Variants in PPEF1 observed in about 807,000 individuals in gnomAD.
The protein encoded by PPEF1 is protein phosphatase with EF-hand domain 1.
In PPEF1, 12 loss-of-function variants were observed where a neutral mutation model predicts 53.3. The ratio of observed to expected loss-of-function variants is 0.23; its 90% confidence interval spans 0.14 to 0.36. PPEF1 has a LOEUF of 0.36. Ranked by LOEUF, PPEF1 falls within the 10% of genes least tolerant of loss-of-function variation. The pLI is 1.00. For missense variants in PPEF1, 334 were observed against 490.4 expected, an observed-to-expected ratio of 0.68 and a Z score of 3.01; for synonymous variants, 165 against 176.7, an observed-to-expected ratio of 0.93 and a Z score of 0.52.
intron 5 of PPEF1, among the ~76,000 whole-genome samples, chrX:18,759,222 T>G (rs1176477953): frequency 9.0e-6 from 1 of 111,319 alleles, no homozygotes; most frequent in Non-Finnish European, 1.9e-5. Context: ...ACAAGGCCAG[T>G]GGGTTTTCTT....
intron 3 of PPEF1, among the ~76,000 whole-genome samples, chrX:18,740,543 G>A (rs938190538): frequency 1.8e-5 from 2 of 109,819 alleles, no homozygotes; most frequent in African/African-American, 6.6e-5. Context: ...CTGAGTGTCT[G>A]GGATTACAGG....
intron 3 of PPEF1, among the ~76,000 whole-genome samples, chrX:18,741,765 G>A (rs1481106405): frequency 1.1e-5 from 1 of 95,080 alleles, no homozygotes; most frequent in African/African-American, 4.2e-5. Flanking sequence ...GAGTCTGGCT[G>A]CTGCTTCTTT....
chrX:18,728,747 G>A (rs1474009587), intron 1 of PPEF1, among the ~76,000 whole-genome samples: 1 of 111,434 alleles, frequency 9.0e-6, no homozygotes, highest in African/African-American at 3.3e-5. Context: ...TTAACCTTGC[G>A]AGACGACCAG....
chrX:18,788,112 C>T (rs776106190), intron 9 of PPEF1, among the ~76,000 whole-genome samples: 1 of 110,914 alleles, frequency 9.0e-6, no homozygotes, highest in Admixed American at 9.5e-5. Context: ...GTCAGGAGAT[C>T]AAGACCATCC....
chrX:18,708,195 G>T (rs1229460242), intron 1 of PPEF1, among the ~76,000 whole-genome samples: 1 of 111,953 alleles, frequency 8.9e-6, no homozygotes, highest in African/African-American at 3.2e-5. Flanking sequence ...TAGCATCATT[G>T]AATTTTTATT....
At chrX:18,764,247 G>A (rs761297994) in intron 6 of PPEF1, among the ~76,000 whole-genome samples, 1 of 111,601 alleles carries the variant, frequency 9.0e-6, no homozygotes, top group African/African-American at 3.3e-5. Flanking sequence ...TGGAAAGCAG[G>A]TGTGTTCAAC....
intron 3 of PPEF1, among the ~76,000 whole-genome samples, chrX:18,743,123 A>T (rs1160661563): frequency 1.8e-5 from 2 of 112,242 alleles, no homozygotes; most frequent in Non-Finnish European, 3.8e-5. Context: ...GTATAAAGGG[A>T]TGTGGACATA....
intron 4 of PPEF1, among the ~76,000 whole-genome samples, chrX:18,692,514 C>T (rs1203852918): frequency 1.8e-5 from 2 of 111,978 alleles, no homozygotes; most frequent in African/African-American, 6.5e-5. Context: ...CTGTCTCCCT[C>T]ACTCTCCATG....
Position 18,806,511 on chromosome X carries a change from A to T in PPEF1, c.1360A>T (p.Thr454Ser). Residue 454 changes from threonine to serine, a missense_variant, in exon 12 of 16, where the codon ACT becomes TCT. By Grantham distance (58) the Thr-to-Ser change is moderately conservative. Coordinates refer to ENST00000470157, the MANE Select transcript of PPEF1 (RefSeq NM_001377996.1). ...TTPRFFQYQV[T>S]KATCFQPLRQ... ...TCCTCGATTTTTCCAGTACCAAGTA[A>T]CTAAAGCAACGTGCTTTCAGCCTCT... 1 of 1,210,125 alleles carries T rather than the reference A, an allele frequency of 8.3e-7. No individual in the cohort carries two copies. Among genetic ancestry groups the T allele is most frequent in the African/African-American group, 1.7e-5 (1 of 57,773 alleles).
In PPEF1 at chrX:18,766,786, C is replaced by T. The variant is rs140267938; in HGVS notation, c.558+5210C>T. 8.6e-3 allele frequency among the ~76,000 whole-genome samples: 962 copies of T among 112,441 alleles called. 13 individuals are homozygous for T. Among genetic ancestry groups the T allele is most frequent in the African/African-American group, 0.029 (893 of 30,980 alleles). On this transcript the variant is annotated intron_variant, in intron 6 of 15. Coordinates refer to ENST00000470157, the MANE Select transcript of PPEF1 (RefSeq NM_001377996.1). ...CGTTCTGGCTGGGCACGGTGGCTCA[C>T]GCCTGTAATCCCAGCACTTTGAGAG... is the stretch of plus-strand genomic sequence containing the variant.
chrX:18,773,054 T>A (rs752758735), intron 6 of PPEF1, among the ~76,000 whole-genome samples: 27 of 112,512 alleles, frequency 2.4e-4, no homozygotes, highest in Non-Finnish European at 4.9e-4. Context: ...TTTCTCTTCA[T>A]GAGAAGCAAG....
chrX:18,768,825 A>G (rs1395530954), intron 6 of PPEF1, among the ~76,000 whole-genome samples: 2 of 112,106 alleles, frequency 1.8e-5, no homozygotes, highest in African/African-American at 6.5e-5. Context: ...TGGACATGTT[A>G]TGATTGGGAT....
Position 18,820,394 on chromosome X carries a change from T to A in PPEF1, c.1501+2249T>A, listed in dbSNP as rs7060721. Among the ~76,000 whole-genome samples, 299 of 108,985 alleles carry A rather than the reference T, an allele frequency of 2.7e-3. 2 individuals are homozygous for A. Among genetic ancestry groups the A allele is most frequent in the African/African-American group, 9.7e-3 (288 of 29,704 alleles). The allele number at this position is 108,985 out of a possible 115,157, so 94.6% of individuals were successfully genotyped here. On this transcript the variant is annotated intron_variant, in intron 13 of 15. Transcript: ENST00000470157. Reference sequence around the variant, plus strand: ...GATAAAAGATTAGCAGACTCTTTTTTTTTTTTTTTGAGATGGAGTCTTGCT... The same window carrying A: ...GATAAAAGATTAGCAGACTCTTTTTATTTTTTTTTGAGATGGAGTCTTGCT...
At position 18,733,750 on chromosome X, in the gene PPEF1, A is replaced by G; in HGVS notation, c.177A>G (p.Leu59=). Residue 59 remains leucine (L), a splice_region_variant and synonymous_variant, in exon 3 of 16, where the codon TTA becomes TTG. Transcript: ENST00000470157. The part of the protein sequence containing the change: ...EYADEQGQMQ[L]STFFSFMLEN... ...TAATTTTTTTTTATTTTGTCCAGTT[A>G]TCCACCTTCTTTTCCTTCATGTTGG... is the stretch of plus-strand genomic sequence containing the variant. 2 of 1,189,484 alleles carry G rather than the reference A, an allele frequency of 1.7e-6. No individual in the cohort carries two copies. Among genetic ancestry groups the G allele is most frequent in the Non-Finnish European group, 2.3e-6 (2 of 882,524 alleles).
chrX:18,737,023 C>A (rs1255926120), intron 3 of PPEF1, among the ~76,000 whole-genome samples: 1 of 111,229 alleles, frequency 9.0e-6, no homozygotes, highest in East Asian at 2.8e-4. Context: ...TCTCTCTTTT[C>A]TTCTTTATTA....
chrX:18,735,188 AT>A, intron 3 of PPEF1, among the ~76,000 whole-genome samples: 1 of 111,748 alleles, frequency 8.9e-6, no homozygotes, highest in East Asian at 2.8e-4. Flanking sequence ...TGTTTTAGTC[AT>A]GAAGTCCTTG....
At chrX:18,775,760 A>C (rs1453467040) in intron 6 of PPEF1, among the ~76,000 whole-genome samples, 1 of 111,832 alleles carries the variant, frequency 8.9e-6, no homozygotes, top group Non-Finnish European at 1.9e-5. Flanking sequence ...TTTCTGCTTA[A>C]GCTAGGTTAA....
chrX:18,715,497 G>T (rs1221845863), intron 1 of PPEF1, among the ~76,000 whole-genome samples: 1 of 111,375 alleles, frequency 9.0e-6, no homozygotes, highest in Admixed American at 9.5e-5. Context: ...TCATGCCACT[G>T]CACTCCAGCC....
chrX:18,787,384 A>G (rs989044024), intron 9 of PPEF1, among the ~76,000 whole-genome samples: 21 of 111,201 alleles, frequency 1.9e-4, no homozygotes, highest in Non-Finnish European at 1.1e-4. Context: ...AGGGGGGTCA[A>G]TGCAGAGGGA....
Sources: allele counts gnomAD v4.1 joint callset (sites outside exome capture counted in the v4.1 genomes callset), GRCh38; gene constraint gnomAD v4.1.1; transcripts MANE v1.5; gene names NCBI Gene and HGNC (gene_info 2026-07-23, HGNC 2026-07-21).